EDN1: variants seen among roughly 807,000 people sequenced by gnomAD.
The protein encoded by EDN1 is endothelin-1.
Under a neutral mutation model 21.7 loss-of-function variants are expected in EDN1, and 11 were observed. That is an observed-to-expected ratio of 0.51 (90% confidence interval 0.32 to 0.84). The LOEUF is 0.84. Among genes scored for constraint, EDN1 ranks in the 40% least tolerant of loss-of-function variants. EDN1 has a pLI of 0.03. For missense variants in EDN1, 244 were observed against 262.3 expected (o/e 0.93, Z 0.48); for synonymous variants, 85 against 90.6 (o/e 0.94, Z 0.35).
upstream of EDN1, among the ~76,000 whole-genome samples, chr6:12,288,203 G>A (rs1762596219): frequency 6.6e-6 from 1 of 151,768 alleles, no homozygotes; most frequent in Admixed American, 6.6e-5. Context: ...TGTTGGTCCT[G>A]ACTGTTGTCA....
At chr6:12,245,806 A>AGT in the EDN1 span, among the ~76,000 whole-genome samples, 1 of 152,204 alleles carries the variant, frequency 6.6e-6, no homozygotes, top group Non-Finnish European at 1.5e-5. Flanking sequence ...TTAGGCAGAA[A>AGT]GTGTTGAAGG....
chr6:12,280,007 A>G, the EDN1 span, among the ~76,000 whole-genome samples: 3 of 152,242 alleles, frequency 2.0e-5, no homozygotes, highest in Non-Finnish European at 4.4e-5. Context: ...AGAGATCTGT[A>G]TAACTACAGG....
At chr6:12,273,906 C>A in the EDN1 span, among the ~76,000 whole-genome samples, 4 of 152,116 alleles carry the variant, frequency 2.6e-5, no homozygotes, top group Non-Finnish European at 5.9e-5. Flanking sequence ...GGAGGTCATA[C>A]AATAAAACAG....
chr6:12,280,226 A>T, the EDN1 span, among the ~76,000 whole-genome samples: 1 of 152,162 alleles, frequency 6.6e-6, no homozygotes, highest in Non-Finnish European at 1.5e-5. Context: ...TAAACAATAA[A>T]AGGATCTTTC....
chr6:12,242,449 G>A, the EDN1 span, among the ~76,000 whole-genome samples: 2 of 152,144 alleles, frequency 1.3e-5, no homozygotes, highest in African/African-American at 4.8e-5. Flanking sequence ...TTGTGACTGT[G>A]TAGCCCTGGG....
chr6:12,294,531 C>A, intron 4 of EDN1, 127 bp downstream of exon 4: 1 of 1,064,182 alleles, frequency 9.4e-7, no homozygotes, highest in Non-Finnish European at 1.4e-6. Flanking sequence ...AAAACAGTAG[C>A]AGAGGAGATC....
rs758593055 is a variant in EDN1, at chr6:12,294,410, A to C, written c.533+6A>C. ...GAACACCTAAGACAAACCAGGTAAGAGGGAAGGAAGAAAAATTAGGTAAGA... is the reference window on the plus strand; with the variant it reads ...GAACACCTAAGACAAACCAGGTAAGCGGGAAGGAAGAAAAATTAGGTAAGA... On this transcript the variant is annotated splice_donor_region_variant and intron_variant, in intron 4 of 4. Coordinates refer to ENST00000379375, the MANE Select transcript of EDN1 (RefSeq NM_001955.5). The C allele has an allele frequency of 8.1e-6, 13 of 1,613,976 alleles. No individual in the cohort carries two copies. Among genetic ancestry groups the C allele is most frequent in the Non-Finnish European group, 1.0e-5 (12 of 1,180,016 alleles).
the EDN1 span, among the ~76,000 whole-genome samples, chr6:12,239,205 C>T: frequency 2.0e-5 from 3 of 152,262 alleles, no homozygotes; most frequent in South Asian, 2.1e-4. Context: ...CTCAATCATT[C>T]GTGTTCCTTT....
At chr6:12,255,123 A>T in the EDN1 span, among the ~76,000 whole-genome samples, 1 of 152,224 alleles carries the variant, frequency 6.6e-6, no homozygotes, top group African/African-American at 2.4e-5. Context: ...AGATGAAATG[A>T]TTCTGTTTCA....
the EDN1 span, among the ~76,000 whole-genome samples, chr6:12,277,223 G>T: frequency 8.1e-4 from 124 of 152,328 alleles, no homozygotes; most frequent in Non-Finnish European, 1.5e-3. Flanking sequence ...GAGTGGAAAT[G>T]CTACTAGGAG....
chr6:12,236,774 T>C, the EDN1 span, among the ~76,000 whole-genome samples: 2 of 151,092 alleles, frequency 1.3e-5, 1 homozygote, highest in South Asian at 4.2e-4. Context: ...ATTTCTTTTT[T>C]TTTTTTTGTT....
the EDN1 span, among the ~76,000 whole-genome samples, chr6:12,236,306 G>C: frequency 6.6e-6 from 1 of 151,152 alleles, no homozygotes; most frequent in Non-Finnish European, 1.5e-5. Flanking sequence ...TTTTTAGAAG[G>C]CATCTCGTTC....
chr6:12,289,157 T>C (rs10478692), upstream of EDN1, among the ~76,000 whole-genome samples: 652 of 152,332 alleles, frequency 4.3e-3, 6 homozygotes, highest in African/African-American at 0.015. Flanking sequence ...CAAGGTTAGA[T>C]AGACAGGAAA....
At chr6:12,264,089 A>T in the EDN1 span, among the ~76,000 whole-genome samples, 2 of 152,312 alleles carry the variant, frequency 1.3e-5, 1 homozygote, top group Admixed American at 1.3e-4. Flanking sequence ...CCTAATATAA[A>T]ATTAATAGGC....
the EDN1 span, among the ~76,000 whole-genome samples, chr6:12,282,507 T>G: frequency 6.6e-6 from 1 of 152,220 alleles, no homozygotes; most frequent in Admixed American, 6.5e-5. Flanking sequence ...CATGCTTCAT[T>G]GCTTTTCTCA....
At chr6:12,281,302 G>A in the EDN1 span, among the ~76,000 whole-genome samples, 3 of 152,118 alleles carry the variant, frequency 2.0e-5, no homozygotes, top group African/African-American at 7.2e-5. Flanking sequence ...TTTCTTTCAT[G>A]TTCTGCATTT....
chr6:12,258,572 T>C, the EDN1 span, among the ~76,000 whole-genome samples: 1 of 151,008 alleles, frequency 6.6e-6, no homozygotes, highest in African/African-American at 2.4e-5. Flanking sequence ...CATCAAAGTA[T>C]AAGTGAAGGT....
chr6:12,246,598 C>T, the EDN1 span, among the ~76,000 whole-genome samples: 5 of 151,860 alleles, frequency 3.3e-5, no homozygotes, highest in African/African-American at 7.3e-5. Context: ...ATTAATTGTT[C>T]TGCCACTATC....
the EDN1 span, among the ~76,000 whole-genome samples, chr6:12,231,400 A>G: frequency 6.6e-6 from 1 of 152,260 alleles, no homozygotes; most frequent in Non-Finnish European, 1.5e-5. Context: ...AAAGCAATGG[A>G]AAAGGAAACT....
Sources: allele counts gnomAD v4.1 joint callset (sites outside exome capture counted in the v4.1 genomes callset), GRCh38; gene constraint gnomAD v4.1.1; transcripts MANE v1.5; gene names NCBI Gene and HGNC (gene_info 2026-07-23, HGNC 2026-07-21).